SWT1: variants seen among roughly 807,000 people sequenced by gnomAD.
SWT1 encodes transcriptional protein SWT1.
Under a neutral mutation model 107.3 loss-of-function variants are expected in SWT1, and 33 were observed. The ratio of observed to expected loss-of-function variants is 0.31; its 90% confidence interval spans 0.23 to 0.41. The LOEUF (loss-of-function observed/expected upper bound fraction) is 0.41, where lower values mean the gene tolerates loss of function less well. Among genes scored for constraint, SWT1 ranks in the 10% least tolerant of loss-of-function variants. The pLI is 1.00. For synonymous variants in SWT1, 345 were observed against 348.3 expected (o/e 0.99, Z 0.11); for missense variants, 898 against 1,028.9 (o/e 0.87, Z 1.74).
Position 185,240,395 on chromosome 1 carries a change from CT to C in SWT1, c.2441+8688del, listed in dbSNP as rs1661181721. On this transcript the variant is annotated intron_variant, in intron 16 of 18. Transcript: ENST00000367500. ...GTGTTTTCTTGGTTTATTATTTTGA[CT>C]CATATTTGGGGTGGGAAAGAGGCAG... 2.6e-5 allele frequency among the ~76,000 whole-genome samples: 4 copies of C among 151,890 alleles called. No individual in the cohort carries two copies. In the South Asian group the frequency reaches 8.3e-4, roughly 32 times the overall value.
At chr1:185,246,282 T>C (rs75241953) in intron 16 of SWT1, among the ~76,000 whole-genome samples, 56 of 152,096 alleles carry the variant, frequency 3.7e-4, no homozygotes, top group Non-Finnish European at 6.5e-4. Flanking sequence ...TCCTTTAAAT[T>C]TTTATTTTTT....
intron 16 of SWT1, chr1:185,264,190 C>CT (rs1313959906): frequency 0.019 from 4,072 of 219,916 alleles, 22 homozygotes; most frequent in African/African-American, 0.031. Flanking sequence ...TTTGGCGCCT[C>CT]TTTTTTTTTT....
chr1:185,264,077 G>A (rs1663214315), intron 16 of SWT1: 1 of 152,200 alleles, frequency 6.6e-6, no homozygotes, highest in Non-Finnish European at 1.5e-5. Context: ...TCCTCATTTA[G>A]TTGGTAGCCA....
At chr1:185,206,813 A>G in intron 13 of SWT1, 50 bp downstream of exon 13, 1 of 1,277,008 alleles carries the variant, frequency 7.8e-7, no homozygotes, top group Non-Finnish European at 1.1e-6. Flanking sequence ...AAGTCAGACT[A>G]GCAGATATAT....
chr1:185,275,200 C>G (rs1008472595), intron 17 of SWT1, among the ~76,000 whole-genome samples: 13 of 151,708 alleles, frequency 8.6e-5, no homozygotes, highest in African/African-American at 3.1e-4. Flanking sequence ...ATCCTCTGAC[C>G]AAATGTCTGC....
chr1:185,160,400 G>T (rs2102287953), intron 1 of SWT1, among the ~76,000 whole-genome samples: 1 of 152,174 alleles, frequency 6.6e-6, no homozygotes, highest in South Asian at 2.1e-4. Context: ...TGTCATATTG[G>T]GAATGGTTAA....
In SWT1 at chr1:185,202,715, G is replaced by T; in HGVS notation, c.1585G>T (p.Glu529Ter). ...ISGVKSLSKE[E>*]LSAELLHLSL... ...TGGTGTGAAGTCACTCAGTAAAGAA[G>T]AATTGAGTGCAGAGTTATTACACTT... Residue 529 changes from glutamate (E) to a stop codon, truncating the protein, a stop_gained, in exon 11 of 19, where the codon GAA becomes TAA. Coordinates refer to ENST00000367500, the MANE Select transcript of SWT1 (RefSeq NM_017673.7). LOFTEE classifies it high-confidence loss of function. 1 of 1,606,584 alleles carries T rather than the reference G, an allele frequency of 6.2e-7. No homozygotes were observed. Among genetic ancestry groups the T allele is most frequent in the Non-Finnish European group, 8.5e-7 (1 of 1,175,538 alleles).
chr1:185,172,138 G>A (rs1434372832), intron 4 of SWT1, among the ~76,000 whole-genome samples: 1 of 152,122 alleles, frequency 6.6e-6, no homozygotes, highest in East Asian at 1.9e-4. Context: ...CACTGAAAAG[G>A]CACACATTTA....
At position 185,277,478 on chromosome 1, in the gene SWT1, C is replaced by T. The variant is rs542805229; in HGVS notation, c.2573+810C>T. Among the ~76,000 whole-genome samples, 9 of 152,022 alleles carry T rather than the reference C, an allele frequency of 5.9e-5. No homozygotes were observed. The South Asian group carries it at 1.5e-3, about 25-fold the overall frequency. The stretch of plus-strand genomic sequence containing the variant: ...TAATTTTTTGTATTTTTAGTAGAGA[C>T]GGAGTTTCACCATGTTGGCCAGGCT... On this transcript the variant is annotated intron_variant, in intron 18 of 18. Coordinates refer to ENST00000367500, the MANE Select transcript of SWT1 (RefSeq NM_017673.7).
rs371292999 is a variant in SWT1, at chr1:185,184,253, T to G, written c.1149T>G (p.Thr383=). 6.5e-7 allele frequency: 1 copy of G among 1,533,882 alleles called. No homozygotes were observed. ...DDVHSSSANN[T]SDRKLLIVID... ...GCTCTTTTTCTTTAGCAAATAATAC[T>G]TCAGACAGAAAGCTTCTAATTGTTA... Residue 383 remains threonine, a synonymous_variant, in exon 8 of 19, where the codon ACT becomes ACG. Coordinates refer to ENST00000367500, the MANE Select transcript of SWT1 (RefSeq NM_017673.7).
intron 10 of SWT1, among the ~76,000 whole-genome samples, chr1:185,196,988 T>C (rs1447526085): frequency 6.6e-6 from 1 of 152,212 alleles, no homozygotes; most frequent in Non-Finnish European, 1.5e-5. Flanking sequence ...TCCCGTACTA[T>C]GTTGAATAGG....
At chr1:185,279,063 C>T (rs1249324535) in intron 18 of SWT1, among the ~76,000 whole-genome samples, 1 of 152,172 alleles carries the variant, frequency 6.6e-6, no homozygotes, top group Non-Finnish European at 1.5e-5. Context: ...AATCTGAAGC[C>T]AGTTGGCATA....
intron 16 of SWT1, among the ~76,000 whole-genome samples, chr1:185,259,539 C>T (rs1662877773): frequency 6.6e-6 from 1 of 152,060 alleles, no homozygotes; most frequent in South Asian, 2.1e-4. Context: ...TGCCCACTTA[C>T]TTTTATGTTG....
chr1:185,249,896 C>T (rs895204914), intron 16 of SWT1, among the ~76,000 whole-genome samples: 3 of 152,182 alleles, frequency 2.0e-5, no homozygotes, highest in Non-Finnish European at 4.4e-5. Context: ...CTGTGTCCTT[C>T]CTGTAAAAGG....
chr1:185,253,208 A>G (rs1229866728), intron 16 of SWT1, among the ~76,000 whole-genome samples: 24 of 150,270 alleles, frequency 1.6e-4, no homozygotes, highest in African/African-American at 5.2e-4. Context: ...GTTTGAAGTC[A>G]GGTAGCGTGA....
intron 16 of SWT1, among the ~76,000 whole-genome samples, chr1:185,262,079 A>G (rs183264040): frequency 3.3e-5 from 5 of 152,222 alleles, no homozygotes; most frequent in African/African-American, 7.2e-5. Flanking sequence ...GAGTGATCCT[A>G]TTTGTCATAT....
In SWT1 at chr1:185,227,854, G is replaced by A. The variant is rs117747344; in HGVS notation, c.2310-3723G>A. 5.8e-3 allele frequency among the ~76,000 whole-genome samples: 889 copies of A among 152,106 alleles called. 32 individuals are homozygous for A. In the East Asian group the frequency reaches 0.095, roughly 16 times the overall value. On this transcript the variant is annotated intron_variant, in intron 15 of 18. Transcript: ENST00000367500. Reference sequence around the variant, plus strand: ...TAATCCCAGCACTTTGGGAGGCAGAGAGAGGTAGGAGGATTGCTTCAGTCG... The same window carrying A: ...TAATCCCAGCACTTTGGGAGGCAGAAAGAGGTAGGAGGATTGCTTCAGTCG...
At chr1:185,256,046 G>A (rs1381928901) in intron 16 of SWT1, among the ~76,000 whole-genome samples, 2 of 151,342 alleles carry the variant, frequency 1.3e-5, no homozygotes, top group Admixed American at 6.6e-5. Flanking sequence ...ATGAAGCTTA[G>A]TTTGGCTGGA....
chr1:185,193,385 A>G (rs567424830), intron 10 of SWT1, among the ~76,000 whole-genome samples: 3 of 151,572 alleles, frequency 2.0e-5, no homozygotes, highest in Non-Finnish European at 2.9e-5. Flanking sequence ...TGGGTGGAGT[A>G]TTCTATAAAT....
Sources: allele counts gnomAD v4.1 joint callset (sites outside exome capture counted in the v4.1 genomes callset), GRCh38; gene constraint gnomAD v4.1.1; transcripts MANE v1.5; gene names NCBI Gene and HGNC (gene_info 2026-07-23, HGNC 2026-07-21).